PI4KA: variants seen among roughly 807,000 people sequenced by gnomAD.
The protein encoded by PI4KA is phosphatidylinositol 4-kinase alpha.
A neutral mutation model predicts 271.4 loss-of-function variants in PI4KA; 122 were observed. The ratio of observed to expected loss-of-function variants is 0.45; its 90% CI spans 0.39 to 0.52. The LOEUF (loss-of-function observed/expected upper bound fraction) is 0.52. Among genes scored for constraint, PI4KA ranks in the 20% least tolerant of loss-of-function variants. The pLI is 0.00. For synonymous variants in PI4KA, 1,041 were observed against 1,078.8 expected (o/e 0.96, Z 0.69); for missense variants, 1,969 against 2,769.1 (o/e 0.71, Z 6.48).
intron 10 of PI4KA, among the ~76,000 whole-genome samples, 197 bp downstream of exon 10, chr22:20,807,165 C>A (rs1197253859): frequency 6.6e-6 from 1 of 152,166 alleles, no homozygotes; most frequent in Non-Finnish European, 1.5e-5. Flanking sequence ...ATCGATGGTA[C>A]CGGGGTTGCA....
intron 12 of PI4KA, among the ~76,000 whole-genome samples, chr22:20,804,090 T>A (rs2147614255): frequency 6.6e-6 from 1 of 152,356 alleles, no homozygotes; most frequent in Middle Eastern, 3.4e-3. Flanking sequence ...TGCACCCATA[T>A]GCCACTGACA....
intron 32 of PI4KA, 23 bp downstream of exon 32, chr22:20,742,205 C>A: frequency 6.2e-7 from 1 of 1,611,240 alleles, no homozygotes; most frequent in Non-Finnish European, 8.5e-7. Context: ...ATCCTCACTG[C>A]CAACCCGAGG....
At chr22:20,795,996 A>T in intron 18 of PI4KA, 150 bp downstream of exon 18, 1 of 719,830 alleles carries the variant, frequency 1.4e-6, no homozygotes, top group Non-Finnish European at 2.3e-6. Flanking sequence ...CTTGAGAAAG[A>T]ACCCCACCCC....
At chr22:20,825,933 C>A (rs1188029338) in intron 3 of PI4KA, among the ~76,000 whole-genome samples, 1 of 152,288 alleles carries the variant, frequency 6.6e-6, no homozygotes, top group Non-Finnish European at 1.5e-5. Flanking sequence ...CTTCTGTGTT[C>A]ATATGTACTC....
intron 11 of PI4KA, 36 bp downstream of exon 11, chr22:20,804,938 T>G (rs1407734982): frequency 6.5e-7 from 1 of 1,540,288 alleles, no homozygotes; most frequent in African/African-American, 1.4e-5. Context: ...GGGTCATGCC[T>G]GGAGCTCACA....
intron 7 of PI4KA, 38 bp downstream of exon 7, chr22:20,818,445 T>C (rs376063165): frequency 8.1e-6 from 12 of 1,488,158 alleles, no homozygotes; most frequent in Admixed American, 1.9e-5. Context: ...GTTCTCCAAG[T>C]ATTACGTCAA....
chr22:20,828,433 G>C (rs993113647), intron 3 of PI4KA, among the ~76,000 whole-genome samples: 1 of 152,104 alleles, frequency 6.6e-6, no homozygotes, highest in Non-Finnish European at 1.5e-5. Flanking sequence ...GTCTTGTTCT[G>C]GTTTTCAAGG....
intron 42 of PI4KA, among the ~76,000 whole-genome samples, chr22:20,724,695 A>C (rs1601337980): frequency 6.6e-6 from 1 of 152,188 alleles, no homozygotes; most frequent in Non-Finnish European, 1.5e-5. Flanking sequence ...AGTTGGTACA[A>C]CCACACACAG....
intron 42 of PI4KA, among the ~76,000 whole-genome samples, chr22:20,724,911 A>G (rs1601338502): frequency 6.6e-6 from 1 of 152,256 alleles, no homozygotes; most frequent in East Asian, 1.9e-4. Context: ...AAGGTGCCTC[A>G]TGACAATCCT....
intron 7 of PI4KA, among the ~76,000 whole-genome samples, chr22:20,813,796 T>C (rs1921381647): frequency 8.5e-5 from 13 of 152,112 alleles, no homozygotes; most frequent in Admixed American, 8.5e-4. Context: ...GTATCTTTTT[T>C]ATTTTTATTT....
At chr22:20,825,747 C>T (rs902342992) in intron 3 of PI4KA, among the ~76,000 whole-genome samples, 9 of 152,104 alleles carry the variant, frequency 5.9e-5, no homozygotes, top group East Asian at 5.8e-4. Flanking sequence ...ATTTTTATTT[C>T]AGGTTCAGGG....
chr22:20,838,647 A>G lies in PI4KA; in HGVS notation c.241T>C (p.Leu81=), dbSNP rs1925179267. The change falls in exon 2 of 55, where the codon TTG becomes CTG. Residue 81 remains leucine, a synonymous_variant. Transcript: ENST00000255882. ...TCAGATTCAATCAGAAAAATGCCCAATGCAATCACTGCATCTCTCCGTCTT... is the reference window on the plus strand; with the variant it reads ...TCAGATTCAATCAGAAAAATGCCCAGTGCAATCACTGCATCTCTCCGTCTT... ...DERRRDAVIA[L]GIFLIESDLQ... 1 of 1,610,620 alleles carries G rather than the reference A, an allele frequency of 6.2e-7. No individual in the cohort carries two copies. The highest frequency in any genetic ancestry group is 1.1e-5 in the South Asian group (1 of 91,010).
At chr22:20,797,063 G>A (rs563176560) in intron 17 of PI4KA, among the ~76,000 whole-genome samples, 3 of 152,264 alleles carry the variant, frequency 2.0e-5, no homozygotes, top group South Asian at 2.1e-4. Context: ...GTAGGATCAC[G>A]GGAAGAGTGA....
intron 1 of PI4KA, among the ~76,000 whole-genome samples, chr22:20,852,819 G>A (rs1927154723): frequency 2.0e-5 from 3 of 152,094 alleles, no homozygotes; most frequent in African/African-American, 7.2e-5. Context: ...ACTCCAGAAA[G>A]CCCACTACCC....
intron 31 of PI4KA, 101 bp from the exon 32 acceptor site, chr22:20,742,456 GC>G (rs767722699): frequency 6.4e-7 from 1 of 1,560,306 alleles, no homozygotes; most frequent in Non-Finnish European, 8.7e-7. Flanking sequence ...GCCAGTGATG[GC>G]CTTTTATTGA....
At chr22:20,742,928 A>C in intron 30 of PI4KA, 164 bp from the exon 31 acceptor site, 1 of 614,040 alleles carries the variant, frequency 1.6e-6, no homozygotes, top group South Asian at 1.9e-5. Context: ...TGATGCTACC[A>C]CTGATCACAG....
rs1368024587 is a variant in PI4KA at position 20,758,455 on chromosome 22, TTTTC to T, written c.2791+2845_2791+2848del. ...ATTTTTTGTGTGTGATTTTTCTTTC[TTTTC>T]TTTTTTTTTTTTTTTTTTGCTCATT... On this transcript the variant is annotated intron_variant, in intron 23 of 54. Coordinates refer to ENST00000255882, the MANE Select transcript of PI4KA (RefSeq NM_058004.4). Among the ~76,000 whole-genome samples the T allele has an allele frequency of 5.6e-5, 7 of 125,650 alleles. No homozygotes were observed. The East Asian group carries it at 7.1e-4, about 13-fold the overall frequency. The allele number at this position is 125,650 out of a possible 152,430, so 82.4% of individuals were successfully genotyped here.
chr22:20,736,197 G>A (rs572833498), intron 32 of PI4KA, among the ~76,000 whole-genome samples: 50 of 152,024 alleles, frequency 3.3e-4, no homozygotes, highest in Non-Finnish European at 4.1e-4. Context: ...CGCAAGGCAC[G>A]GCCATCTGAG....
intron 12 of PI4KA, 61 bp from the exon 13 acceptor site, chr22:20,803,381 G>C (rs1367444258): frequency 1.2e-6 from 2 of 1,603,890 alleles, no homozygotes; most frequent in Non-Finnish European, 1.7e-6. Context: ...AGTAGGCCCT[G>C]AGCAGGGAGG....
Sources: allele counts gnomAD v4.1 joint callset (sites outside exome capture counted in the v4.1 genomes callset), GRCh38; gene constraint gnomAD v4.1.1; transcripts MANE v1.5; gene names NCBI Gene and HGNC (gene_info 2026-07-23, HGNC 2026-07-21).